The following DAPL1 variants were observed in gnomAD, a reference collection of about 807,000 sequenced individuals.
DAPL1 encodes the protein death-associated protein-like 1.
A neutral mutation model predicts 12.9 loss-of-function variants in DAPL1; 17 were observed. The observed-to-expected ratio is 1.32, with a 90% CI of 0.90 to 1.98. The LOEUF (loss-of-function observed/expected upper bound fraction) is 1.98, where lower values mean the gene tolerates loss of function less well. Among genes scored for constraint, DAPL1 ranks in the 30% most tolerant of loss-of-function variants. DAPL1 has a pLI of 0.00. For synonymous variants in DAPL1, 51 were observed against 42.0 expected (o/e 1.21, Z -0.82); for missense variants, 157 against 125.7 (o/e 1.25, Z -1.19).
chr2:158,797,159 A>G (rs1221044157), intron 1 of DAPL1, among the ~76,000 whole-genome samples: 1 of 152,214 alleles, frequency 6.6e-6, no homozygotes, highest in Non-Finnish European at 1.5e-5. Context: ...TGGGACATAC[A>G]TAGCCTTTGG....
chr2:158,797,868 C>T (rs908404), intron 1 of DAPL1, among the ~76,000 whole-genome samples: 49,785 of 151,844 alleles, frequency 0.33, 9,173 homozygotes, highest in East Asian at 0.79. Flanking sequence ...AATGGTTTCA[C>T]TTTAATGTAT....
intron 3 of DAPL1, among the ~76,000 whole-genome samples, chr2:158,812,209 T>G (rs894975031): frequency 3.3e-5 from 5 of 152,240 alleles, no homozygotes; most frequent in Non-Finnish European, 7.3e-5. Context: ...CTATTATCTT[T>G]GCCAGAATTA....
intron 3 of DAPL1, among the ~76,000 whole-genome samples, chr2:158,813,474 G>A (rs1426764472): frequency 6.6e-6 from 1 of 151,998 alleles, no homozygotes; most frequent in East Asian, 1.9e-4. Context: ...TCACCCTGGA[G>A]GTGATCAAAT....
intron 3 of DAPL1, among the ~76,000 whole-genome samples, chr2:158,808,754 T>C (rs917506832): frequency 1.3e-5 from 2 of 152,138 alleles, no homozygotes; most frequent in Non-Finnish European, 2.9e-5. Flanking sequence ...CACCACTTCC[T>C]TAGGGCAAGG....
At chr2:158,812,384 G>A (rs1176564300) in intron 3 of DAPL1, among the ~76,000 whole-genome samples, 1 of 152,194 alleles carries the variant, frequency 6.6e-6, no homozygotes, top group East Asian at 1.9e-4. Flanking sequence ...TAGAACTTCG[G>A]TTGAATGCCT....
intron 3 of DAPL1, among the ~76,000 whole-genome samples, chr2:158,815,350 C>T (rs1488805691): frequency 6.6e-6 from 1 of 152,176 alleles, no homozygotes; most frequent in African/African-American, 2.4e-5. Flanking sequence ...CACTCTGGAC[C>T]TTCTCCAATG....
intron 1 of DAPL1, among the ~76,000 whole-genome samples, chr2:158,800,123 A>G (rs1369517958): frequency 6.6e-6 from 1 of 151,868 alleles, no homozygotes; most frequent in Non-Finnish European, 1.5e-5. Flanking sequence ...TGCTCTTTCC[A>G]AAGAGAAAGA....
intron 3 of DAPL1, among the ~76,000 whole-genome samples, chr2:158,815,190 T>C (rs1435146946): frequency 6.6e-6 from 1 of 152,250 alleles, no homozygotes; most frequent in Non-Finnish European, 1.5e-5. Context: ...GCTATTTAGA[T>C]TGAACCATAT....
intron 1 of DAPL1, among the ~76,000 whole-genome samples, chr2:158,800,147 T>G (rs2059159385): frequency 6.6e-6 from 1 of 152,180 alleles, no homozygotes; most frequent in African/African-American, 2.4e-5. Context: ...GATGGATTTT[T>G]TTGAGAGGTA....
intron 3 of DAPL1, among the ~76,000 whole-genome samples, chr2:158,814,870 T>A (rs1024573980): frequency 1.3e-5 from 2 of 152,188 alleles, no homozygotes; most frequent in Non-Finnish European, 2.9e-5. Context: ...CTTTTACATA[T>A]TGATGGGCTT....
In DAPL1 at chr2:158,815,913, C is replaced by A; in HGVS notation, c.*92C>A. ...CAAAGCTTTCCATAGGCGTGCTGCA[C>A]TTGCTTGGTAAATTAAGCAGCTTTT... On this transcript the variant is annotated 3_prime_UTR_variant, in exon 4 of 4. Transcript: ENST00000309950. 1 of 872,006 alleles carries A rather than the reference C, an allele frequency of 1.1e-6. No homozygotes were observed. The allele number at this position is 872,006 out of a possible 1,614,324, so 54.0% of individuals were successfully genotyped here. A position where few individuals can be genotyped will look rare whatever the true frequency, so the allele number is the denominator to read the frequency against.
At chr2:158,804,489 A>T in intron 2 of DAPL1, 120 bp downstream of exon 2, 8 of 539,548 alleles carry the variant, frequency 1.5e-5, no homozygotes, top group South Asian at 2.5e-5. Context: ...AGAAGGGGGC[A>T]GGAGGGGGAG....
At position 158,815,726 on chromosome 2, in the gene DAPL1, A is replaced by G. The variant is rs1206472429; in HGVS notation, c.229A>G (p.Thr77Ala). The change falls in exon 4 of 4, where the codon ACA (threonine) becomes GCA (alanine). Residue 77 changes from threonine (T) to alanine (A), a missense_variant. Physicochemically the swap from Thr to Ala is moderately conservative, Grantham distance 58. Transcript: ENST00000309950. Reference sequence around the variant, plus strand: ...TTAGCTCAACTATAAATTTCCAGCAACAGTGCACATGGCGCATCAAAAACC... The same window carrying G: ...TTAGCTCAACTATAAATTTCCAGCAGCAGTGCACATGGCGCATCAAAAACC... ...LEKLNYKFPATVHMAHQKPTP... is the reference protein window; with the variant it reads ...LEKLNYKFPAAVHMAHQKPTP... The G allele has an allele frequency of 1.2e-6, 2 of 1,613,526 alleles. No individual in the cohort carries two copies. The highest frequency in any genetic ancestry group is 4.5e-5 in the East Asian group (2 of 44,886).
intron 1 of DAPL1, among the ~76,000 whole-genome samples, chr2:158,802,145 T>A (rs758498870): frequency 6.6e-6 from 1 of 152,232 alleles, no homozygotes; most frequent in South Asian, 2.1e-4. Context: ...ACAACTGTCA[T>A]CATGGCTGGT....
rs1575232634 is a variant in DAPL1, at chr2:158,815,760, C to T, written c.263C>T (p.Ala88Val). The change falls in exon 4 of 4, where the codon GCT becomes GTT. Residue 88 changes from alanine to valine, a missense_variant. Transcript: ENST00000309950. ...ATGGCGCATCAAAAACCCACACCTG[C>T]TCTGGAAAAGGTTGTTCCACTGAAA... ...VHMAHQKPTPALEKVVPLKRI... is the reference protein window; with the variant it reads ...VHMAHQKPTPVLEKVVPLKRI... 1 of 1,614,104 alleles carries T rather than the reference C, an allele frequency of 6.2e-7. No individual in the cohort carries two copies.
intron 1 of DAPL1, among the ~76,000 whole-genome samples, chr2:158,801,562 T>C (rs1374676382): frequency 6.6e-6 from 1 of 152,206 alleles, no homozygotes; most frequent in Admixed American, 6.5e-5. Flanking sequence ...GTATAAATAA[T>C]TTATGTATAT....
chr2:158,804,414 T>C, intron 2 of DAPL1, 45 bp downstream of exon 2: 1 of 1,388,280 alleles, frequency 7.2e-7, no homozygotes. Context: ...GAGTTTTGAG[T>C]GACTCTGCCT....
chr2:158,807,165 A>T, intron 3 of DAPL1, 50 bp downstream of exon 3: 1 of 1,448,530 alleles, frequency 6.9e-7, no homozygotes, highest in Non-Finnish European at 9.6e-7. Flanking sequence ...TGCCCAGTGG[A>T]TCCAGCTGCA....
chr2:158,800,472 G>T (rs772908020), intron 1 of DAPL1, among the ~76,000 whole-genome samples: 6 of 152,142 alleles, frequency 3.9e-5, no homozygotes, highest in Non-Finnish European at 5.9e-5. Context: ...CCATGCACCA[G>T]GTTCTTATGT....
Sources: gnomAD v4.1 joint callset for allele counts (sites outside exome capture counted in the v4.1 genomes callset) on GRCh38, gnomAD v4.1.1 for gene constraint, MANE v1.5 for transcripts, NCBI Gene and HGNC (gene_info 2026-07-23, HGNC 2026-07-21) for gene names.